FGFR2: variants seen among roughly 807,000 people sequenced by gnomAD.
FGFR2 encodes the protein BEK fibroblast growth factor receptor.
A neutral mutation model predicts 95.9 loss-of-function variants in FGFR2; 19 were observed. The ratio of observed to expected loss-of-function variants is 0.20; its 90% CI spans 0.14 to 0.29. FGFR2 has a LOEUF of 0.29. Among genes scored for constraint, FGFR2 ranks in the 10% least tolerant of loss-of-function variants. The probability of loss-of-function intolerance (pLI) is 1.00; values close to 1 mark genes in which losing one functional copy is unlikely to be tolerated. For missense variants in FGFR2, 707 were observed against 1,056.9 expected (o/e 0.67, Z 4.59); for synonymous variants, 392 against 393.3 (o/e 1.00, Z 0.04).
At chr10:121,535,698 C>T (rs2134551416) in intron 6 of FGFR2, among the ~76,000 whole-genome samples, 1 of 152,252 alleles carries the variant, frequency 6.6e-6, no homozygotes. Flanking sequence ...ACTAATTTTC[C>T]CTTGCAGTAA....
intron 17 of FGFR2, among the ~76,000 whole-genome samples, chr10:121,483,453 C>T (rs41294233): frequency 2.9e-4 from 44 of 152,348 alleles, no homozygotes; most frequent in African/African-American, 1.0e-3. Flanking sequence ...CCAGCAGCTA[C>T]ACTGAAGGCA....
intron 1 of FGFR2, 144 bp downstream of exon 1, chr10:121,597,818 A>G: frequency 2.9e-6 from 1 of 347,366 alleles, no homozygotes; most frequent in Admixed American, 4.8e-5. Flanking sequence ...ATGCAGCCAC[A>G]GAGGGAGGAC....
At chr10:121,527,105 T>C (rs1226533572) in intron 6 of FGFR2, among the ~76,000 whole-genome samples, 1 of 151,876 alleles carries the variant, frequency 6.6e-6, no homozygotes, top group Non-Finnish European at 1.5e-5. Context: ...AAGAAGAGAG[T>C]AAAGTGCTGG....
chr10:121,488,873 T>A (rs934599527), intron 13 of FGFR2, among the ~76,000 whole-genome samples: 1 of 152,146 alleles, frequency 6.6e-6, no homozygotes, highest in Admixed American at 6.6e-5. Context: ...CAACATTGTG[T>A]CTTCTTCATT....
In FGFR2 at chr10:121,561,904, A is replaced by G. The variant is rs548040516; in HGVS notation, c.454+2598T>C. ...ACGGCCTTAACAGACATCTCACCAA[A>G]GAAGATACATGGATGGCAATTAATC... On this transcript the variant is annotated intron_variant, in intron 4 of 17. Transcript: ENST00000358487. Among the ~76,000 whole-genome samples the G allele has an allele frequency of 5.0e-4, 76 of 152,368 alleles. 1 individual carries two copies. The highest frequency in any genetic ancestry group is 1.6e-3 in the African/African-American group (68 of 41,588).
chr10:121,539,351 G>A (rs1460359784), intron 5 of FGFR2, among the ~76,000 whole-genome samples: 3 of 152,118 alleles, frequency 2.0e-5, no homozygotes, highest in Non-Finnish European at 4.4e-5. Flanking sequence ...CAAATATGGC[G>A]GCAATGAATC....
rs376849035 is a variant in FGFR2, at chr10:121,517,206, A to G, written c.1084+113T>C. 14 of 1,199,976 alleles carry G rather than the reference A, an allele frequency of 1.2e-5. No homozygotes were observed. Among genetic ancestry groups the G allele is most frequent in the South Asian group, 1.3e-5 (1 of 79,002 alleles). 74.3% of individuals were successfully genotyped at this position (1,199,976 alleles called of 1,614,324 possible). ...TGAGGGATCATTTTTAACATTTTTT[A>G]TATCTTTATGCAAGGATAAAAGGGG... On this transcript the variant is annotated intron_variant, in intron 8 of 17. Coordinates refer to ENST00000358487, the MANE Select transcript of FGFR2 (RefSeq NM_000141.5). This position sits in a 1 kb window ranked among gnomAD's most constrained non-coding sequence, Gnocchi z 4.7.
chr10:121,553,413 A>G (rs1855680897), intron 4 of FGFR2, among the ~76,000 whole-genome samples: 3 of 152,190 alleles, frequency 2.0e-5, no homozygotes, highest in African/African-American at 7.2e-5. Context: ...CATTCATCCC[A>G]AGACTCTCAG....
chr10:121,571,637 A>G (rs117404027), intron 2 of FGFR2, among the ~76,000 whole-genome samples: 5,398 of 143,852 alleles, frequency 0.038, 267 homozygotes, highest in East Asian at 0.21. Flanking sequence ...CAAACAAACA[A>G]ACAAACAAAC....
intron 9 of FGFR2, among the ~76,000 whole-genome samples, chr10:121,505,800 C>T (rs1027731065): frequency 6.6e-6 from 1 of 152,200 alleles, no homozygotes. Context: ...CATTGGTCCA[C>T]AGGAACATCT....
At chr10:121,574,120 G>A (rs1333682486) in intron 2 of FGFR2, among the ~76,000 whole-genome samples, 3 of 152,126 alleles carry the variant, frequency 2.0e-5, no homozygotes, top group South Asian at 2.1e-4. Context: ...TTCTCTGTCC[G>A]TAGGAACAGA....
At chr10:121,596,523 TG>T (rs1270154914) in intron 1 of FGFR2, 1 of 194,854 alleles carries the variant, frequency 5.1e-6, no homozygotes, top group Non-Finnish European at 1.1e-5. Flanking sequence ...AAGTCAACAG[TG>T]TCCGGCTCCT....
intron 4 of FGFR2, among the ~76,000 whole-genome samples, chr10:121,552,460 G>A (rs2981429): frequency 0.4 from 60,504 of 152,070 alleles, 14,105 homozygotes; most frequent in Non-Finnish European, 0.51. Context: ...CTTCCAAGTG[G>A]GGAAACTGAG....
rs765241522 is a variant in FGFR2 at position 121,503,799 on chromosome 10, G to A, written c.1430C>T (p.Pro477Leu). ...CAAGAGAAGTACTCACTTATCTCTTGGAAACTCCCATTTTGGGTCCTCTGG... is the reference window on the plus strand; with the variant it reads ...CAAGAGAAGTACTCACTTATCTCTTAGAAACTCCCATTTTGGGTCCTCTGG... ...ELPEDPKWEF[P>L]RDKLTLGKPL... Residue 477 changes from proline (P) to leucine (L), a missense_variant, in exon 10 of 18, where the codon CCA becomes CTA. By Grantham distance (98) the Pro-to-Leu change is moderately conservative. This residue lies in a region of FGFR2 where 194 missense variants were observed against 267.3 expected (regional missense o/e 0.73). Transcript: ENST00000358487. The A allele has an allele frequency of 6.2e-7, 1 of 1,614,034 alleles. No homozygotes were observed. The highest frequency in any genetic ancestry group is 8.5e-7 in the Non-Finnish European group (1 of 1,179,984).
At chr10:121,483,570 C>T (rs1376207944) in intron 17 of FGFR2, 128 bp downstream of exon 17, 11 of 721,376 alleles carry the variant, frequency 1.5e-5, no homozygotes, top group Non-Finnish European at 2.8e-5. Context: ...ACTATCTGAC[C>T]CTATGGAAAA....
chr10:121,496,282 C>A (rs1387405349), intron 13 of FGFR2, among the ~76,000 whole-genome samples: 1 of 152,104 alleles, frequency 6.6e-6, no homozygotes, highest in Non-Finnish European at 1.5e-5. Flanking sequence ...AGGGAAATCA[C>A]ACATGGTCCT....
intron 10 of FGFR2, among the ~76,000 whole-genome samples, chr10:121,502,888 G>A (rs2134038027): frequency 6.6e-6 from 1 of 152,182 alleles, no homozygotes; most frequent in East Asian, 1.9e-4. Context: ...CTGCCTAGAG[G>A]ACGAGGGCTA....
chr10:121,563,321 C>G (rs1857229166), intron 4 of FGFR2, among the ~76,000 whole-genome samples: 1 of 152,108 alleles, frequency 6.6e-6, no homozygotes, highest in Non-Finnish European at 1.5e-5. Flanking sequence ...TTGCAGTGAG[C>G]CAAGATGGCG....
intron 6 of FGFR2, among the ~76,000 whole-genome samples, chr10:121,526,411 A>G (rs1219516414): frequency 6.6e-6 from 1 of 152,218 alleles, no homozygotes; most frequent in African/African-American, 2.4e-5. Context: ...AACTTGCTAA[A>G]GGCCCCACGC....
Sources: gnomAD v4.1 joint callset for allele counts (sites outside exome capture counted in the v4.1 genomes callset) on GRCh38, gnomAD v4.1.1 for gene constraint, gnomAD v4.1.1 regional missense constraint, Gnocchi (gnomAD v3.1) non-coding constraint, MANE v1.5 for transcripts, NCBI Gene and HGNC (gene_info 2026-07-23, HGNC 2026-07-21) for gene names.